Variants in ATAD3B observed in about 807,000 individuals in gnomAD.
ATAD3B encodes the protein ATPase family AAA domain-containing protein 3B.
A neutral mutation model predicts 70.2 loss-of-function variants in ATAD3B; 59 were observed. That is an observed-to-expected ratio of 0.84 (90% CI 0.68 to 1.04). The LOEUF is 1.04. Among genes scored for constraint, ATAD3B ranks in the 50% least tolerant of loss-of-function variants. The pLI is 0.00. For missense variants in ATAD3B, 961 were observed against 913.4 expected, an observed-to-expected ratio of 1.05 and a Z score of -0.67; for synonymous variants, 423 against 388.6, an observed-to-expected ratio of 1.09 and a Z score of -1.04.
chr1:1,475,946 C>T (rs1639567456), intron 1 of ATAD3B, among the ~76,000 whole-genome samples: 1 of 150,184 alleles, frequency 6.7e-6, no homozygotes, highest in Non-Finnish European at 1.5e-5. Context: ...GGCAGAGCTC[C>T]TCACCGTGAC....
chr1:1,494,797 G>A (rs1313743959), intron 15 of ATAD3B, among the ~76,000 whole-genome samples: 1 of 152,142 alleles, frequency 6.6e-6, no homozygotes, highest in East Asian at 1.9e-4. Context: ...GTGTCCTGGT[G>A]CACTCCTGAG....
intron 5 of ATAD3B, among the ~76,000 whole-genome samples, chr1:1,481,260 C>T (rs1257057476): frequency 9.7e-5 from 9 of 93,128 alleles, no homozygotes; most frequent in African/African-American, 5.8e-4. Flanking sequence ...GCAACCTCTG[C>T]CTCCCAGGTT....
Position 1,485,107 on chromosome 1 carries a change from A to G in ATAD3B, c.842A>G (p.Lys281Arg), listed in dbSNP as rs780310779. Residue 281 changes from lysine to arginine, a missense_variant, in exon 8 of 16, where the codon AAG becomes AGG. By Grantham distance (26) the Lys-to-Arg change is conservative (BLOSUM62 2). Transcript: ENST00000673477. ...TGRFIEARLG[K>R]PSLVRETSRI... ...CGCTTCATCGAGGCTCGGCTGGGGA[A>G]GCCGTCCCTAGTGAGGGAGACGTCC... is the stretch of plus-strand genomic sequence containing the variant. 1.2e-5 allele frequency: 20 copies of G among 1,610,260 alleles called. No homozygotes were observed. The highest frequency in any genetic ancestry group is 1.6e-5 in the Non-Finnish European group (19 of 1,179,240).
chr1:1,478,491 T>C lies in ATAD3B; in HGVS notation c.283-153T>C. ...TCTGGATTCCTCCAGGGCCTGATCC[T>C]GGGTGCAGATGCAGCTGGAAGCCCT... On this transcript the variant is annotated intron_variant, in intron 2 of 15. Transcript: ENST00000673477. 3 of 1,548,948 alleles carry C rather than the reference T, an allele frequency of 1.9e-6. 1 individual carries two copies. Among genetic ancestry groups the C allele is most frequent in the Non-Finnish European group, 8.7e-7 (1 of 1,145,334 alleles).
chr1:1,507,891 C>T, the ATAD3B span, among the ~76,000 whole-genome samples: 17 of 152,206 alleles, frequency 1.1e-4, no homozygotes, highest in East Asian at 3.8e-4. Context: ...CCTGGGGCCT[C>T]GCCACGTGGT....
chr1:1,486,372 G>A (rs146336885), intron 10 of ATAD3B, 137 bp downstream of exon 10: 85,664 of 1,576,678 alleles, frequency 0.054, 3,894 homozygotes, highest in East Asian at 0.16. Flanking sequence ...TCAGGGTGCT[G>A]GTGTGGGCAG....
chr1:1,477,255 G>T lies in ATAD3B; in HGVS notation c.206-19G>T, dbSNP rs766753655. ...TCCGTGTATCCTACACCTGCTCTCCGTGCCACATGCGCCCGCAGGTTACGC... is the reference window on the plus strand; with the variant it reads ...TCCGTGTATCCTACACCTGCTCTCCTTGCCACATGCGCCCGCAGGTTACGC... On this transcript the variant is annotated intron_variant, in intron 1 of 15. Transcript: ENST00000673477. 28 of 1,611,752 alleles carry T rather than the reference G, an allele frequency of 1.7e-5. No individual in the cohort carries two copies. The highest frequency in any genetic ancestry group is 2.4e-5 in the Non-Finnish European group (28 of 1,179,424).
At chr1:1,486,013 A>G in intron 9 of ATAD3B, 97 bp from the exon 10 acceptor site, 1 of 1,597,874 alleles carries the variant, frequency 6.3e-7, no homozygotes. Context: ...CGGCTTCCTG[A>G]GGAGCAGAGT....
At chr1:1,486,295 G>C in intron 10 of ATAD3B, 60 bp downstream of exon 10, 2 of 1,609,042 alleles carry the variant, frequency 1.2e-6, no homozygotes, top group Non-Finnish European at 1.7e-6. Flanking sequence ...CTGCCTGCAG[G>C]TGTCTGGGGG....
downstream of ATAD3B, among the ~76,000 whole-genome samples, chr1:1,498,410 G>A (rs1019083926): frequency 3.3e-5 from 5 of 151,862 alleles, no homozygotes; most frequent in African/African-American, 9.7e-5. Flanking sequence ...GGTGACAGCC[G>A]AGATCGCACC....
rs563519926 is a variant in ATAD3B at position 1,480,061 on chromosome 1, G to A, written c.445-806G>A. Among the ~76,000 whole-genome samples the A allele has an allele frequency of 2.3e-3, 334 of 142,234 alleles. 30 individuals are homozygous for A. Among genetic ancestry groups the A allele is most frequent in the African/African-American group, 8.4e-3 (312 of 37,248 alleles). 93.3% of individuals were successfully genotyped at this position (142,234 alleles called of 152,430 possible). A position where few individuals can be genotyped will look rare whatever the true frequency, so the allele number is the denominator to read the frequency against. On this transcript the variant is annotated intron_variant, in intron 4 of 15. Transcript: ENST00000673477. ...CACACCCCCTTGCACAGACGGGCAC[G>A]CACACAGTCCCACACATGGGCACAC...
At chr1:1,483,610 A>G (rs555704204) in intron 7 of ATAD3B, 13 of 158,790 alleles carry the variant, frequency 8.2e-5, no homozygotes, top group African/African-American at 3.1e-4. Flanking sequence ...CATCTCTACT[A>G]AAAATACAAA....
rs553559133 is a variant in ATAD3B at position 1,480,707 on chromosome 1, G to A, written c.445-160G>A. Among the ~76,000 whole-genome samples the A allele has an allele frequency of 3.5e-4, 51 of 147,354 alleles. 4 individuals carry two copies. The highest frequency in any genetic ancestry group is 6.7e-4 in the Non-Finnish European group (45 of 67,178). ...CCCCTCAGTGACTGCCGTCCCAGCC[G>A]ATGTCACCCGTGTCTGTGTCAGGGT... On this transcript the variant is annotated intron_variant, in intron 4 of 15. Coordinates refer to ENST00000673477, the MANE Select transcript of ATAD3B (RefSeq NM_031921.6).
intron 4 of ATAD3B, among the ~76,000 whole-genome samples, chr1:1,480,576 T>C (rs1419161117): frequency 6.8e-6 from 1 of 147,682 alleles, no homozygotes; most frequent in African/African-American, 2.5e-5. Context: ...AAGCCCAGCC[T>C]GAATCAGGGC....
intron 15 of ATAD3B, among the ~76,000 whole-genome samples, chr1:1,493,435 GTTTCT>G (rs373889903): frequency 2.6e-5 from 4 of 151,578 alleles, no homozygotes; most frequent in South Asian, 2.1e-4. Context: ...AATTTTTTTT[GTTTCT>G]TTTCTTTTCT....
At chr1:1,488,880 C>T (rs1454263690) in intron 12 of ATAD3B, among the ~76,000 whole-genome samples, 2 of 151,882 alleles carry the variant, frequency 1.3e-5, no homozygotes, top group Non-Finnish European at 2.9e-5. Flanking sequence ...TCTCATGCCT[C>T]AGCCTCCCAA....
the ATAD3B span, chr1:1,509,246 C>T: frequency 1.2e-6 from 2 of 1,612,890 alleles, no homozygotes; most frequent in African/African-American, 2.7e-5. Context: ...TGACCGAGGC[C>T]ATGATGGACA....
At chr1:1,487,380 C>G (rs554760010) in intron 11 of ATAD3B, among the ~76,000 whole-genome samples, 9 of 151,270 alleles carry the variant, frequency 5.9e-5, no homozygotes, top group Non-Finnish European at 1.2e-4. Context: ...CCCAGCTACT[C>G]AGGAGGCTGA....
At position 1,485,804 on chromosome 1, in the gene ATAD3B, G is replaced by C. The variant is rs757282899; in HGVS notation, c.929G>C (p.Arg310Pro). Residue 310 changes from arginine (R) to proline (P), a missense_variant, in exon 9 of 16, where the codon CGA (arginine) becomes CCA (proline). Arg to Pro is a moderately radical substitution (Grantham distance 103, BLOSUM62 -2). Coordinates refer to ENST00000673477, the MANE Select transcript of ATAD3B (RefSeq NM_031921.6). ...CAGGTCAGCCGGCGGCTCCTCAGTCGACCCCAGGACGTGCTGGAGGGTGTT... is the reference window on the plus strand; with the variant it reads ...CAGGTCAGCCGGCGGCTCCTCAGTCCACCCCAGGACGTGCTGGAGGGTGTT... Reference protein sequence around the residue: ...PIQVSRRLLSRPQDVLEGVVL... With the variant: ...PIQVSRRLLSPPQDVLEGVVL... The C allele has an allele frequency of 3.1e-6, 5 of 1,613,070 alleles. No homozygotes were observed. The highest frequency in any genetic ancestry group is 2.2e-5 in the East Asian group (1 of 44,860).
Sources: gnomAD v4.1 joint callset for allele counts (sites outside exome capture counted in the v4.1 genomes callset) on GRCh38, gnomAD v4.1.1 for gene constraint, MANE v1.5 for transcripts, NCBI Gene and HGNC (gene_info 2026-07-23, HGNC 2026-07-21) for gene names.